PCDH11X: variants seen among roughly 807,000 people sequenced by gnomAD.
PCDH11X encodes the protein protocadherin-11 X-linked.
A neutral mutation model predicts 53.3 loss-of-function variants in PCDH11X; 18 were observed. The observed-to-expected ratio is 0.34, with a 90% CI of 0.23 to 0.50. The LOEUF (loss-of-function observed/expected upper bound fraction) is 0.50, where lower values mean the gene tolerates loss of function less well. Ranked by LOEUF, PCDH11X falls within the 20% of genes least tolerant of loss-of-function variation. The pLI is 0.98. For missense variants in PCDH11X, 570 were observed against 1,032.4 expected, an observed-to-expected ratio of 0.55 and a Z score of 6.14; for synonymous variants, 279 against 393.3, an observed-to-expected ratio of 0.71 and a Z score of 3.44.
intron 10 of PCDH11X, among the ~76,000 whole-genome samples, chrX:92,534,422 C>T (rs1452729124): frequency 9.0e-6 from 1 of 111,116 alleles, no homozygotes; most frequent in Non-Finnish European, 1.9e-5. Context: ...ACCAAATCTA[C>T]GTTTGATTGG....
intron 6 of PCDH11X, among the ~76,000 whole-genome samples, chrX:92,150,547 T>G (rs1255138632): frequency 9.1e-6 from 1 of 109,699 alleles, no homozygotes; most frequent in Non-Finnish European, 1.9e-5. Flanking sequence ...GTCTCAGGTT[T>G]AAAGAGTTTA....
At chrX:92,431,244 A>T (rs2148625355) in intron 9 of PCDH11X, among the ~76,000 whole-genome samples, 1 of 110,655 alleles carries the variant, frequency 9.0e-6, no homozygotes, top group African/African-American at 3.3e-5. Flanking sequence ...GTGTGGTAGT[A>T]GTAATACATT....
chrX:92,029,755 A>C (rs1044761160), intron 6 of PCDH11X, among the ~76,000 whole-genome samples: 72 of 111,436 alleles, frequency 6.5e-4, no homozygotes, highest in African/African-American at 2.3e-3. Context: ...AATAAAGAGA[A>C]GCTTTTTGGA....
At chrX:92,311,299 G>A (rs1037847118) in intron 8 of PCDH11X, among the ~76,000 whole-genome samples, 3 of 109,572 alleles carry the variant, frequency 2.7e-5, no homozygotes, top group African/African-American at 1.0e-4. Context: ...TATAAAACTG[G>A]AAGTGTTCTG....
At chrX:92,372,258 T>G (rs1308517405) in intron 8 of PCDH11X, among the ~76,000 whole-genome samples, 1 of 111,162 alleles carries the variant, frequency 9.0e-6, no homozygotes, top group Non-Finnish European at 1.9e-5. Flanking sequence ...GCAACTCCTG[T>G]TACTTCTCTT....
chrX:92,569,962 G>A, intron 10 of PCDH11X, among the ~76,000 whole-genome samples: 1 of 94,254 alleles, frequency 1.1e-5, no homozygotes, highest in Admixed American at 1.3e-4. Context: ...GTTGCAGTGA[G>A]CCGAGATCGC....
At chrX:91,955,111 T>C (rs2061692409) in intron 6 of PCDH11X, among the ~76,000 whole-genome samples, 1 of 111,937 alleles carries the variant, frequency 8.9e-6, no homozygotes, top group Non-Finnish European at 1.9e-5. Context: ...CTTTAATCCA[T>C]ACTGAGTTAA....
At chrX:92,568,532 A>C (rs928651872) in intron 10 of PCDH11X, among the ~76,000 whole-genome samples, 3 of 109,538 alleles carry the variant, frequency 2.7e-5, no homozygotes, top group Non-Finnish European at 3.8e-5. Flanking sequence ...ACGCACAATA[A>C]AAGAAATATC....
intron 7 of PCDH11X, among the ~76,000 whole-genome samples, chrX:92,249,869 C>T (rs1317155925): frequency 9.0e-6 from 1 of 111,534 alleles, no homozygotes; most frequent in Non-Finnish European, 1.9e-5. Context: ...ATCAAATACT[C>T]CTAATTTCCT....
At chrX:92,563,271 G>A (rs1284227191) in intron 10 of PCDH11X, among the ~76,000 whole-genome samples, 1 of 107,991 alleles carries the variant, frequency 9.3e-6, no homozygotes, top group African/African-American at 3.4e-5. Context: ...GCAAGAGAGT[G>A]AGGAGAGAGG....
intron 7 of PCDH11X, among the ~76,000 whole-genome samples, chrX:92,249,082 CACATATATATACAT>C (rs772464770): frequency 1.5e-4 from 17 of 109,808 alleles, no homozygotes; most frequent in Non-Finnish European, 2.5e-4. Context: ...TTTTTCTTAT[CACATATATATACAT>C]ACATATATAT....
intron 6 of PCDH11X, chrX:91,879,870 T>A (rs1939812629): frequency 2.7e-6 from 2 of 740,797 alleles, no homozygotes; most frequent in South Asian, 1.4e-4. Context: ...AAGAATGGGA[T>A]TAGAAAAATG....
chrX:92,322,403 G>A (rs2069235662), intron 8 of PCDH11X, among the ~76,000 whole-genome samples: 1 of 110,870 alleles, frequency 9.0e-6, no homozygotes, highest in Non-Finnish European at 1.9e-5. Context: ...AGAGAAAAAA[G>A]TTATTTTTAT....
chrX:92,440,755 A>C (rs2072495031), intron 9 of PCDH11X, among the ~76,000 whole-genome samples: 1 of 109,881 alleles, frequency 9.1e-6, no homozygotes, highest in South Asian at 4.0e-4. Flanking sequence ...AAACAGACTA[A>C]TACAGTAAAT....
intron 7 of PCDH11X, among the ~76,000 whole-genome samples, chrX:92,206,595 C>T (rs978956108): frequency 6.3e-5 from 7 of 110,816 alleles, no homozygotes; most frequent in Admixed American, 2.9e-4. Context: ...GCCACTGTCT[C>T]GGCTCACTGT....
At chrX:92,544,164 T>C (rs1346390854) in intron 10 of PCDH11X, among the ~76,000 whole-genome samples, 1 of 111,322 alleles carries the variant, frequency 9.0e-6, no homozygotes, top group Non-Finnish European at 1.9e-5. Context: ...CACTTATTTT[T>C]ATTGAATTTC....
intron 6 of PCDH11X, among the ~76,000 whole-genome samples, chrX:91,907,412 C>CCCACACACAGAGAGAGAG (rs1556333002): frequency 3.5e-5 from 2 of 57,498 alleles, no homozygotes; most frequent in East Asian, 1.2e-3. Flanking sequence ...CACACACACA[C>CCCACACACAGAGAGAGAG]AGAGAGAGAG....
At chrX:92,052,044 C>A (rs1003793125) in intron 6 of PCDH11X, among the ~76,000 whole-genome samples, 4 of 109,816 alleles carry the variant, frequency 3.6e-5, no homozygotes, top group Non-Finnish European at 5.7e-5. Flanking sequence ...AAAGGTAAAA[C>A]TCTGTTTTCA....
rs369529287 is a variant in PCDH11X, at chrX:92,042,068, C to A, written c.3034-159307C>A. ...TAATAAATAGTATAAAATCCTAAAA[C>A]AACTAAAGTATCTAAACGTAATTTA... On this transcript the variant is annotated intron_variant, in intron 6 of 10. Coordinates refer to ENST00000682573, the MANE Select transcript of PCDH11X (RefSeq NM_032968.5). Among the ~76,000 whole-genome samples the A allele has an allele frequency of 5.4e-5, 6 of 111,623 alleles. No individual in the cohort carries two copies. In the East Asian group the frequency reaches 8.5e-4, roughly 16 times the overall value.
Sources: gnomAD v4.1 joint callset for allele counts (sites outside exome capture counted in the v4.1 genomes callset) on GRCh38, gnomAD v4.1.1 for gene constraint, MANE v1.5 for transcripts, NCBI Gene and HGNC (gene_info 2026-07-23, HGNC 2026-07-21) for gene names.